The following TSNAX variants were observed in gnomAD, a reference collection of about 807,000 sequenced individuals.
TSNAX encodes translin associated factor X, also known as translin-associated protein X.
Under a neutral mutation model 33.0 loss-of-function variants are expected in TSNAX, and 12 were observed. The observed-to-expected ratio is 0.36, with a 90% CI of 0.23 to 0.59. TSNAX has a LOEUF of 0.59. TSNAX is among the 20% of genes least tolerant of loss of function. The pLI, the probability that TSNAX is intolerant of heterozygous loss-of-function variation, is 0.74. For synonymous variants in TSNAX, 110 were observed against 117.2 expected (o/e 0.94, Z 0.40); for missense variants, 267 against 341.3 (o/e 0.78, Z 1.72).
chr1:231,553,744 T>G (rs1326564250), intron 4 of TSNAX, among the ~76,000 whole-genome samples: 1 of 149,324 alleles, frequency 6.7e-6, no homozygotes, highest in Non-Finnish European at 1.5e-5. Flanking sequence ...TGGAGTGCAA[T>G]GGCGAGATCT....
intron 2 of TSNAX, chr1:231,534,864 CAAAT>C (rs1659053133): frequency 6.6e-6 from 1 of 152,000 alleles, no homozygotes; most frequent in African/African-American, 2.4e-5. Context: ...AGTGCATTTA[CAAAT>C]AAATAATATA....
chr1:231,533,068 C>CT (rs746007509), intron 2 of TSNAX, among the ~76,000 whole-genome samples: 2,678 of 136,352 alleles, frequency 0.02, 52 homozygotes, highest in African/African-American at 0.038. Context: ...CATGGGAAGT[C>CT]TTTTTTTTTT....
intron 2 of TSNAX, chr1:231,535,191 T>C (rs1354836396): frequency 1.3e-5 from 2 of 152,196 alleles, no homozygotes; most frequent in Admixed American, 6.5e-5. Context: ...GGGTTATTTT[T>C]CCCATAGGTA....
chr1:231,536,250 C>A (rs1659164311), intron 2 of TSNAX: 1 of 151,906 alleles, frequency 6.6e-6, no homozygotes, highest in Admixed American at 6.6e-5. Flanking sequence ...TTCCTTTTTT[C>A]TTCTTTACTA....
intron 4 of TSNAX, among the ~76,000 whole-genome samples, chr1:231,558,241 G>A (rs1660814808): frequency 6.6e-6 from 1 of 152,150 alleles, no homozygotes; most frequent in African/African-American, 2.4e-5. Flanking sequence ...ATTCTCTGGA[G>A]TACAAAAGAA....
chr1:231,543,107 G>C (rs945238057), intron 4 of TSNAX, among the ~76,000 whole-genome samples: 1 of 151,834 alleles, frequency 6.6e-6, no homozygotes, highest in Non-Finnish European at 1.5e-5. Flanking sequence ...GAACCCGGGA[G>C]GTGGAGGTTG....
chr1:231,540,474 A>G (rs1659504370), intron 3 of TSNAX, among the ~76,000 whole-genome samples: 1 of 152,186 alleles, frequency 6.6e-6, no homozygotes, highest in Non-Finnish European at 1.5e-5. Context: ...ACTTTCTGAT[A>G]CTGATTTCTA....
chr1:231,542,043 C>T (rs2124903026), intron 3 of TSNAX, among the ~76,000 whole-genome samples: 1 of 152,284 alleles, frequency 6.6e-6, no homozygotes, highest in African/African-American at 2.4e-5. Flanking sequence ...GCTTTCCAGG[C>T]AATAAGATGG....
At chr1:231,553,021 T>C (rs1049473268) in intron 4 of TSNAX, among the ~76,000 whole-genome samples, 5 of 152,234 alleles carry the variant, frequency 3.3e-5, no homozygotes, top group Admixed American at 1.3e-4. Flanking sequence ...GTTTATACTT[T>C]TTGGCCTTTG....
chr1:231,562,032 A>G (rs994531675), intron 5 of TSNAX, among the ~76,000 whole-genome samples: 8 of 151,878 alleles, frequency 5.3e-5, no homozygotes, highest in Admixed American at 4.6e-4. Context: ...AACAAATACT[A>G]TTTTTTTCCT....
chr1:231,558,457 A>G (rs2124939236), intron 4 of TSNAX, among the ~76,000 whole-genome samples: 1 of 152,298 alleles, frequency 6.6e-6, no homozygotes, highest in South Asian at 2.1e-4. Flanking sequence ...CTTCTTCTGA[A>G]ATAATGGAAC....
chr1:231,537,752 A>G (rs1659275605), intron 3 of TSNAX, among the ~76,000 whole-genome samples: 1 of 151,692 alleles, frequency 6.6e-6, no homozygotes, highest in Non-Finnish European at 1.5e-5. Context: ...AAAAAAAAAA[A>G]AAAAAAGGAA....
intron 4 of TSNAX, among the ~76,000 whole-genome samples, chr1:231,558,881 G>C (rs1660858631): frequency 6.6e-6 from 1 of 151,930 alleles, no homozygotes; most frequent in Admixed American, 6.6e-5. Context: ...TGTCCCTTCT[G>C]ACCTATATTT....
intron 4 of TSNAX, among the ~76,000 whole-genome samples, chr1:231,553,698 T>TC (rs1000278509): frequency 4.0e-5 from 6 of 151,378 alleles, no homozygotes; most frequent in Non-Finnish European, 5.9e-5. Flanking sequence ...TTTTTTTTTT[T>TC]TCTTTGAGAT....
Position 231,561,214 on chromosome 1 carries a change from T to G in TSNAX, c.454T>G (p.Leu152Val). 6.3e-7 allele frequency: 1 copy of G among 1,584,952 alleles called. No homozygotes were observed. The highest frequency in any genetic ancestry group is 8.6e-7 in the Non-Finnish European group (1 of 1,157,624). ...LISMDEINKQ[L>V]IFTTEDNGKE... The stretch of plus-strand genomic sequence containing the variant: ...TAGTATGGATGAAATTAATAAACAA[T>G]TGATATTTACGACTGAAGACAATGG... The change falls in exon 5 of 6, where the codon TTG (leucine) becomes GTG (valine). Residue 152 changes from leucine (L) to valine (V), a missense_variant. Leu to Val is a conservative substitution (Grantham distance 32). Around this residue, in one of 2 missense-constraint regions of TSNAX, gnomAD observed 200 missense variants for 214.1 expected, o/e 0.93. Coordinates refer to ENST00000366639, the MANE Select transcript of TSNAX (RefSeq NM_005999.3).
rs147062002 is a variant in TSNAX, at chr1:231,529,865, C to G, written c.121+506C>G. On this transcript the variant is annotated intron_variant, in intron 2 of 5. Coordinates refer to ENST00000366639, the MANE Select transcript of TSNAX (RefSeq NM_005999.3). ...GGACAAGTTATTCCTCAATTCAAAACAAACACAAAACAAAATCCTCTTCCT... is the reference window on the plus strand; with the variant it reads ...GGACAAGTTATTCCTCAATTCAAAAGAAACACAAAACAAAATCCTCTTCCT... Among the ~76,000 whole-genome samples the G allele has an allele frequency of 1.3e-3, 192 of 152,300 alleles. 1 individual carries two copies. The highest frequency in any genetic ancestry group is 4.4e-3 in the African/African-American group (182 of 41,570).
intron 4 of TSNAX, among the ~76,000 whole-genome samples, chr1:231,558,848 CAG>C (rs1660856765): frequency 6.6e-6 from 1 of 152,076 alleles, no homozygotes; most frequent in African/African-American, 2.4e-5. Flanking sequence ...TTTAATTTCT[CAG>C]AACATTATGG....
At chr1:231,537,422 C>T (rs1213561891) in intron 3 of TSNAX, 95 bp downstream of exon 3, 4 of 769,508 alleles carry the variant, frequency 5.2e-6, no homozygotes, top group Non-Finnish European at 6.2e-6. Context: ...GCAGTAGGTA[C>T]AACTTAAGAG....
At chr1:231,545,875 G>A (rs956287927) in intron 4 of TSNAX, among the ~76,000 whole-genome samples, 15 of 152,078 alleles carry the variant, frequency 9.9e-5, no homozygotes, top group Admixed American at 2.0e-4. Flanking sequence ...CTTCACAGGC[G>A]GGGAGATTGA....
Sources: allele counts gnomAD v4.1 joint callset (sites outside exome capture counted in the v4.1 genomes callset), GRCh38; gene constraint gnomAD v4.1.1; regional missense constraint gnomAD v4.1.1; transcripts MANE v1.5; gene names NCBI Gene and HGNC (gene_info 2026-07-23, HGNC 2026-07-21).